MLIP: variants seen among roughly 807,000 people sequenced by gnomAD.
MLIP encodes the protein muscular LMNA interacting protein, also known as muscular LMNA-interacting protein.
MLIP carries 79 observed loss-of-function variants against 84.8 expected under a neutral mutation model. That is an observed-to-expected ratio of 0.93 (90% CI 0.78 to 1.12). MLIP has a LOEUF of 1.12. Ranked by LOEUF, MLIP falls within the 50% of genes most tolerant of loss-of-function variation. The probability of loss-of-function intolerance (pLI) is 0.00; values close to 1 mark genes in which losing one functional copy is unlikely to be tolerated. For missense variants in MLIP, 1,257 were observed against 1,160.6 expected, an observed-to-expected ratio of 1.08 and a Z score of -1.21; for synonymous variants, 504 against 463.0, an observed-to-expected ratio of 1.09 and a Z score of -1.14.
At chr6:54,200,778 T>C (rs939451374) in intron 10 of MLIP, among the ~76,000 whole-genome samples, 1 of 152,164 alleles carries the variant, frequency 6.6e-6, no homozygotes, top group East Asian at 1.9e-4. Flanking sequence ...TTGGGGAAGA[T>C]AGAGACTTGT....
intron 1 of MLIP, among the ~76,000 whole-genome samples, chr6:54,037,793 T>A (rs1764527675): frequency 6.6e-6 from 1 of 151,976 alleles, no homozygotes; most frequent in South Asian, 2.1e-4. Context: ...TTACCAGTGC[T>A]GAGTGCTTAA....
At chr6:54,225,461 T>A (rs979600068) in intron 11 of MLIP, among the ~76,000 whole-genome samples, 1 of 152,200 alleles carries the variant, frequency 6.6e-6, no homozygotes, top group African/African-American at 2.4e-5. Context: ...TGAAATGTCA[T>A]TATGCAGTTC....
At chr6:54,249,710 AACACACACAC>A (rs147266668) in intron 12 of MLIP, among the ~76,000 whole-genome samples, 1 of 147,026 alleles carries the variant, frequency 6.8e-6, no homozygotes, top group Non-Finnish European at 1.5e-5. Flanking sequence ...GGAAATGAGG[AACACACACAC>A]ACACACACAC....
intron 5 of MLIP, among the ~76,000 whole-genome samples, chr6:54,156,241 C>A (rs1338717366): frequency 6.6e-6 from 1 of 152,006 alleles, no homozygotes; most frequent in Admixed American, 6.6e-5. Context: ...AAAATCAATT[C>A]TAGTAAATTT....
At chr6:54,165,384 C>A (rs1347068158) in intron 8 of MLIP, among the ~76,000 whole-genome samples, 2 of 151,866 alleles carry the variant, frequency 1.3e-5, no homozygotes, top group African/African-American at 4.8e-5. Flanking sequence ...CAGAAGCTAG[C>A]CAGTTGTTGA....
intron 12 of MLIP, among the ~76,000 whole-genome samples, chr6:54,232,496 G>C (rs1781075359): frequency 6.6e-6 from 1 of 152,078 alleles, no homozygotes. Flanking sequence ...ACTGAATAAA[G>C]AACCATTCAT....
intron 11 of MLIP, among the ~76,000 whole-genome samples, chr6:54,214,182 GA>G (rs1421812426): frequency 6.6e-6 from 1 of 152,120 alleles, no homozygotes; most frequent in Non-Finnish European, 1.5e-5. Flanking sequence ...GCTAGTTTTT[GA>G]AAATCTCTTT....
At chr6:54,080,717 AAT>A (rs940191139) in intron 1 of MLIP, among the ~76,000 whole-genome samples, 15 of 148,172 alleles carry the variant, frequency 1.0e-4, no homozygotes, top group East Asian at 5.8e-4. Context: ...TAATTTATAT[AAT>A]ATATATATTT....
intron 2 of MLIP, among the ~76,000 whole-genome samples, chr6:54,121,938 A>G (rs907121978): frequency 1.3e-5 from 2 of 152,202 alleles, no homozygotes; most frequent in African/African-American, 2.4e-5. Flanking sequence ...TATAAGACAA[A>G]ACAGTGAGAT....
intron 11 of MLIP, among the ~76,000 whole-genome samples, chr6:54,229,055 G>A (rs1780798527): frequency 6.6e-6 from 1 of 152,134 alleles, no homozygotes; most frequent in Non-Finnish European, 1.5e-5. Context: ...TTCAATGTTA[G>A]AGGCATTAAC....
rs2150337331 is a variant in MLIP at position 54,064,673 on chromosome 6, T to C, written c.63+45582T>C. On this transcript the variant is annotated intron_variant, in intron 1 of 12. Coordinates refer to the MLIP transcript ENST00000274897. ...TAACTTATCTTCTGCAGCTGATAAC[T>C]TTTGAAGCATTAGGGAGTTAAACTG... Among the ~76,000 whole-genome samples the C allele has an allele frequency of 2.0e-5, 2 of 99,388 alleles. 1 individual carries two copies. Among genetic ancestry groups the C allele is most frequent in the East Asian group, 5.4e-4 (2 of 3,700 alleles). The allele number at this position is 99,388 out of a possible 152,430, so 65.2% of individuals were successfully genotyped here.
chr6:54,213,792 GTT>G (rs5876370), intron 11 of MLIP, among the ~76,000 whole-genome samples: 17 of 140,010 alleles, frequency 1.2e-4, no homozygotes, highest in Non-Finnish European at 2.1e-4. Flanking sequence ...ACAAAAAAAA[GTT>G]TTTTTTTAAT....
intron 1 of MLIP, among the ~76,000 whole-genome samples, chr6:54,039,748 G>A (rs1341115838): frequency 1.2e-4 from 18 of 151,768 alleles, no homozygotes; most frequent in Admixed American, 1.2e-3. Flanking sequence ...AAGAATAGAG[G>A]TAATGTAACA....
chr6:54,070,875 A>G (rs1242015829), intron 1 of MLIP, among the ~76,000 whole-genome samples: 1 of 152,218 alleles, frequency 6.6e-6, no homozygotes, highest in Non-Finnish European at 1.5e-5. Flanking sequence ...TATAGGTATC[A>G]ATGTCACAGA....
rs187470808 is a variant in MLIP, at chr6:54,161,938, C to T, written c.2499+1139C>T. Among the ~76,000 whole-genome samples, 248 of 151,562 alleles carry T rather than the reference C, an allele frequency of 1.6e-3. 3 individuals carry two copies. Among genetic ancestry groups the T allele is most frequent in the Middle Eastern group, 0.014 (4 of 294 alleles). The stretch of plus-strand genomic sequence containing the variant: ...TTTCATTCATTGAACATGTAAAAGA[C>T]CTGTATTATATTAAATATAATGAGA... On this transcript the variant is annotated intron_variant, in intron 8 of 13. Coordinates refer to ENST00000502396, the MANE Select transcript of MLIP (RefSeq NM_001281747.2).
At chr6:54,139,982 AATTTAACTTTTTCTGTG>A (rs1450085571) in intron 4 of MLIP, among the ~76,000 whole-genome samples, 3 of 152,142 alleles carry the variant, frequency 2.0e-5, no homozygotes, top group Non-Finnish European at 4.4e-5. Flanking sequence ...AGATGGATAA[AATTTAACTTTTTCTGTG>A]ATTCTCAATT....
chr6:54,115,917 G>T (rs915322485), intron 1 of MLIP, among the ~76,000 whole-genome samples: 2 of 152,194 alleles, frequency 1.3e-5, no homozygotes, highest in Admixed American at 1.3e-4. Context: ...GTTATAACTA[G>T]AAAGTGAAGG....
intron 1 of MLIP, 35 bp downstream of exon 1, chr6:54,111,610 CTT>C (rs1207556997): frequency 1.3e-5 from 20 of 1,532,016 alleles, no homozygotes; most frequent in Non-Finnish European, 1.7e-5. Flanking sequence ...CTTTCAGTAA[CTT>C]TTAAAAGCAG....
intron 1 of MLIP, among the ~76,000 whole-genome samples, chr6:54,120,844 G>C (rs906446031): frequency 6.6e-5 from 10 of 151,900 alleles, no homozygotes; most frequent in African/African-American, 2.4e-4. Context: ...ACTGTTTCCT[G>C]TTCACCGTTG....
Sources: gnomAD v4.1 joint callset for allele counts (sites outside exome capture counted in the v4.1 genomes callset) on GRCh38, gnomAD v4.1.1 for gene constraint, MANE v1.5 for transcripts, NCBI Gene and HGNC (gene_info 2026-07-23, HGNC 2026-07-21) for gene names.